Variants in GPR137C observed in about 807,000 individuals in gnomAD.
GPR137C encodes the protein integral membrane protein GPR137C.
GPR137C carries 27 observed loss-of-function variants against 43.4 expected under a neutral mutation model. The ratio of observed to expected loss-of-function variants is 0.62; its 90% confidence interval spans 0.46 to 0.86. GPR137C has a LOEUF of 0.86. Ranked by LOEUF, GPR137C falls within the 40% of genes least tolerant of loss-of-function variation. The pLI, the probability that GPR137C is intolerant of heterozygous loss-of-function variation, is 0.00. For synonymous variants in GPR137C, 285 were observed against 226.9 expected (o/e 1.26, Z -2.30); for missense variants, 522 against 534.6 (o/e 0.98, Z 0.23).
chr14:52,608,161 A>C (rs528666991), intron 3 of GPR137C, among the ~76,000 whole-genome samples: 1 of 150,232 alleles, frequency 6.7e-6, no homozygotes, highest in Non-Finnish European at 1.5e-5. Flanking sequence ...TTCTTTTCTA[A>C]CTCCTCTCTT....
chr14:52,556,228 GT>G (rs944789920), intron 1 of GPR137C, among the ~76,000 whole-genome samples: 49 of 151,990 alleles, frequency 3.2e-4, no homozygotes, highest in African/African-American at 1.1e-3. Context: ...TAAAGCATTT[GT>G]TTTTTTCTGA....
intron 3 of GPR137C, among the ~76,000 whole-genome samples, chr14:52,621,863 C>T (rs2039164894): frequency 2.0e-5 from 3 of 151,192 alleles, no homozygotes; most frequent in African/African-American, 7.3e-5. Context: ...ACAAATCATA[C>T]TATAAATAAA....
intron 1 of GPR137C, among the ~76,000 whole-genome samples, chr14:52,583,662 C>T (rs1244725119): frequency 6.6e-6 from 1 of 152,184 alleles, no homozygotes; most frequent in African/African-American, 2.4e-5. Flanking sequence ...CCCAATACTA[C>T]TTACTAATAT....
intron 1 of GPR137C, chr14:52,597,070 G>A (rs2038865702): frequency 4.5e-6 from 2 of 441,114 alleles, no homozygotes; most frequent in African/African-American, 2.0e-5. Context: ...TAGATGCACA[G>A]GCATCTATCT....
chr14:52,592,238 T>C (rs2038794022), intron 1 of GPR137C, among the ~76,000 whole-genome samples: 2 of 152,196 alleles, frequency 1.3e-5, no homozygotes, highest in Non-Finnish European at 2.9e-5. Context: ...CCTTATAGTA[T>C]AGTTTGAAGT....
chr14:52,586,052 T>C (rs1159314906), intron 1 of GPR137C, among the ~76,000 whole-genome samples: 2 of 152,090 alleles, frequency 1.3e-5, no homozygotes, highest in Non-Finnish European at 2.9e-5. Context: ...GAGACAGAGA[T>C]AGACATTTAT....
chr14:52,577,996 G>GA (rs2038589263), intron 1 of GPR137C, among the ~76,000 whole-genome samples: 1 of 151,906 alleles, frequency 6.6e-6, no homozygotes. Context: ...TATTACAACT[G>GA]ATACCACAGA....
At chr14:52,596,651 G>A (rs2038860106) in intron 1 of GPR137C, among the ~76,000 whole-genome samples, 1 of 152,224 alleles carries the variant, frequency 6.6e-6, no homozygotes, top group Non-Finnish European at 1.5e-5. Context: ...GGAATCTCCT[G>A]GTCTGCCAGT....
chr14:52,584,462 G>T (rs1179966232), intron 1 of GPR137C, among the ~76,000 whole-genome samples: 1 of 152,138 alleles, frequency 6.6e-6, no homozygotes, highest in African/African-American at 2.4e-5. Context: ...CCTCACAGAA[G>T]TATTCTTCGT....
chr14:52,611,762 A>G (rs1427825780), intron 3 of GPR137C: 9 of 370,780 alleles, frequency 2.4e-5, no homozygotes, highest in Non-Finnish European at 3.4e-5. Flanking sequence ...GCCATTTATC[A>G]GCTCTATGAC....
At chr14:52,603,858 G>A (rs1177917143) in intron 3 of GPR137C, among the ~76,000 whole-genome samples, 6 of 151,972 alleles carry the variant, frequency 3.9e-5, no homozygotes, top group Admixed American at 1.3e-4. Context: ...TTTTCATAAC[G>A]GTTGTCCTAC....
rs142191190 is a variant in GPR137C at position 52,629,235 on chromosome 14, C to T, written c.718-2925C>T. ...CAATTTCTTACACAGCTGAACTTAA[C>T]GACCACCATATGACCCAGCAATTCC... On this transcript the variant is annotated intron_variant, in intron 3 of 6. Transcript: ENST00000321662. Among the ~76,000 whole-genome samples the T allele has an allele frequency of 3.3e-4, 51 of 152,288 alleles. No individual in the cohort carries two copies. In the South Asian group the frequency reaches 9.1e-3, roughly 27 times the overall value.
chr14:52,567,391 A>C lies in GPR137C; in HGVS notation c.444+13800A>C, dbSNP rs74611867. Reference sequence around the variant, plus strand: ...GATTTTCCTCTGCCACCTTTCTTACATATAAACTTTAGACAATATGATAAA... The same window carrying C: ...GATTTTCCTCTGCCACCTTTCTTACCTATAAACTTTAGACAATATGATAAA... On this transcript the variant is annotated intron_variant, in intron 1 of 6. Coordinates refer to ENST00000321662, the MANE Select transcript of GPR137C (RefSeq NM_001099652.2). Among the ~76,000 whole-genome samples, 3 of 152,368 alleles carry C rather than the reference A, an allele frequency of 2.0e-5. No homozygotes were observed. The South Asian group carries it at 6.2e-4, about 32-fold the overall frequency.
intron 1 of GPR137C, among the ~76,000 whole-genome samples, chr14:52,568,606 G>C (rs1256226185): frequency 3.3e-5 from 5 of 152,162 alleles, no homozygotes; most frequent in East Asian, 1.9e-4. Flanking sequence ...GAGCTTGGTG[G>C]GGGGAGGGGG....
At chr14:52,563,934 C>T (rs969548954) in intron 1 of GPR137C, among the ~76,000 whole-genome samples, 4 of 152,100 alleles carry the variant, frequency 2.6e-5, no homozygotes, top group Admixed American at 2.6e-4. Flanking sequence ...CCCACAGGCC[C>T]ATTCTCCACA....
At chr14:52,613,624 G>T in intron 3 of GPR137C, 1 of 210,118 alleles carries the variant, frequency 4.8e-6, no homozygotes, top group Non-Finnish European at 9.8e-6. Flanking sequence ...TTCTGTGCCT[G>T]GCATATTTTA....
intron 1 of GPR137C, among the ~76,000 whole-genome samples, chr14:52,556,523 A>G (rs935886627): frequency 1.3e-5 from 2 of 148,384 alleles, no homozygotes; most frequent in Admixed American, 6.8e-5. Context: ...AGAGAGGGGG[A>G]AAAAAAAAAG....
At chr14:52,589,441 T>A (rs1566612976) in intron 1 of GPR137C, among the ~76,000 whole-genome samples, 1 of 152,148 alleles carries the variant, frequency 6.6e-6, no homozygotes, top group East Asian at 1.9e-4. Context: ...GGGGGAATTT[T>A]AAAAAGTGAT....
chr14:52,591,929 G>A (rs1420595971), intron 1 of GPR137C, among the ~76,000 whole-genome samples: 1 of 152,100 alleles, frequency 6.6e-6, no homozygotes, highest in Non-Finnish European at 1.5e-5. Flanking sequence ...TATTGCCTAG[G>A]TTTTCTTCTA....
Sources: allele counts gnomAD v4.1 joint callset (sites outside exome capture counted in the v4.1 genomes callset), GRCh38; gene constraint gnomAD v4.1.1; transcripts MANE v1.5; gene names NCBI Gene and HGNC (gene_info 2026-07-23, HGNC 2026-07-21).